The following RYR2 variants were observed in gnomAD, a reference collection of about 807,000 sequenced individuals.
RYR2 encodes cardiac muscle ryanodine receptor-calcium release channel.
Under a neutral mutation model 601.1 loss-of-function variants are expected in RYR2, and 227 were observed. That is an observed-to-expected ratio of 0.38 (90% CI 0.34 to 0.42). The LOEUF (loss-of-function observed/expected upper bound fraction) is 0.42. RYR2 is among the 10% of genes least tolerant of loss of function. RYR2 has a pLI of 1.00. For synonymous variants in RYR2, 2,223 were observed against 2,175.1 expected (o/e 1.02, Z -0.61); for missense variants, 4,646 against 6,156.5 (o/e 0.75, Z 8.21).
rs1455526447 is a variant in RYR2, at chr1:237,386,028, AAAGGAATC to A, written c.577-1252_577-1245del. Among the ~76,000 whole-genome samples, 3 of 152,356 alleles carry A rather than the reference AAAGGAATC, an allele frequency of 2.0e-5. No individual in the cohort carries two copies. In the East Asian group the frequency reaches 5.8e-4, roughly 29 times the overall value. ...ATACTGGAGAAGAAATTGAGTCAAT[AAAGGAATC>A]TTAGCTGGGATTACAGCTAAGACTG... is the stretch of plus-strand genomic sequence containing the variant. On this transcript the variant is annotated intron_variant, in intron 8 of 104. Transcript: ENST00000366574.
chr1:237,271,823 G>A (rs1689709476), intron 2 of RYR2, among the ~76,000 whole-genome samples: 1 of 152,106 alleles, frequency 6.6e-6, no homozygotes, highest in Non-Finnish European at 1.5e-5. Flanking sequence ...GGAAAGCCTG[G>A]TGGGCCAATG....
intron 56 of RYR2, among the ~76,000 whole-genome samples, chr1:237,664,775 C>G (rs1344215746): frequency 1.3e-5 from 2 of 152,112 alleles, no homozygotes; most frequent in Non-Finnish European, 2.9e-5. Context: ...CTTGTGTCCC[C>G]AAATCAATAG....
intron 80 of RYR2, among the ~76,000 whole-genome samples, chr1:237,751,593 A>ATATTGGAAGAAT (rs1409264137): frequency 6.6e-6 from 1 of 152,232 alleles, no homozygotes; most frequent in Non-Finnish European, 1.5e-5. Flanking sequence ...AGTGTATATA[A>ATATTGGAAGAAT]TATTGGAAGA....
rs535073012 is a variant in RYR2, at chr1:237,246,720, A to C, written c.49-23777A>C. ...TTTTACTTATTTTAAAAGTAATTGA[A>C]TCTTCCTCTCCTTTCATATATTTTT... On this transcript the variant is annotated intron_variant, in intron 1 of 104. Transcript: ENST00000366574. Among the ~76,000 whole-genome samples the C allele has an allele frequency of 1.1e-4, 16 of 152,132 alleles. No homozygotes were observed. In the South Asian group the frequency reaches 3.3e-3, roughly 32 times the overall value.
At chr1:237,811,896 A>T (rs1661295877) in intron 100 of RYR2, among the ~76,000 whole-genome samples, 1 of 152,074 alleles carries the variant, frequency 6.6e-6, no homozygotes, top group Non-Finnish European at 1.5e-5. Context: ...AGCTGAAAGG[A>T]CTCTGATGTT....
Position 237,755,040 on chromosome 1 carries a change from T to C in RYR2, c.11146-1248T>C, listed in dbSNP as rs972024781. On this transcript the variant is annotated intron_variant, in intron 80 of 104. Transcript: ENST00000366574. ...AACTATAGTGTGACAAAAAAAACCC[T>C]GATCAATTTTGTTTTCGCAGCACGA... 5.5e-6 allele frequency: 7 copies of C among 1,282,294 alleles called. No homozygotes were observed. The African/African-American group carries it at 1.1e-4, about 20-fold the overall frequency. The allele number at this position is 1,282,294 out of a possible 1,614,324, so 79.4% of individuals were successfully genotyped here.
At chr1:237,232,666 G>A (rs537374137) in intron 1 of RYR2, among the ~76,000 whole-genome samples, 8 of 152,162 alleles carry the variant, frequency 5.3e-5, no homozygotes, top group East Asian at 1.9e-4. Flanking sequence ...AAGGCCCTAC[G>A]TCTGGACTGG....
At chr1:237,804,591 C>G (rs925283124) in intron 98 of RYR2, among the ~76,000 whole-genome samples, 5 of 152,050 alleles carry the variant, frequency 3.3e-5, no homozygotes, top group Admixed American at 6.5e-5. Flanking sequence ...TGGCCCTCCC[C>G]CAAAAGTGTA....
chr1:237,280,898 C>T (rs1222652931), intron 2 of RYR2, among the ~76,000 whole-genome samples: 1 of 151,868 alleles, frequency 6.6e-6, no homozygotes, highest in Non-Finnish European at 1.5e-5. Context: ...GATTCTCCTG[C>T]CTCAGCCTCC....
chr1:237,433,461 A>G (rs2150110294), intron 12 of RYR2, among the ~76,000 whole-genome samples: 1 of 152,266 alleles, frequency 6.6e-6, no homozygotes, highest in South Asian at 2.1e-4. Context: ...ACTTATAATT[A>G]TTGAAACACA....
At chr1:237,214,832 T>C (rs1443541110) in intron 1 of RYR2, among the ~76,000 whole-genome samples, 1 of 152,218 alleles carries the variant, frequency 6.6e-6, no homozygotes, top group Admixed American at 6.5e-5. Context: ...ACAACATTCA[T>C]TGAATATATT....
At chr1:237,502,960 G>T (rs754316400) in intron 21 of RYR2, among the ~76,000 whole-genome samples, 4 of 152,080 alleles carry the variant, frequency 2.6e-5, no homozygotes, top group Non-Finnish European at 4.4e-5. Context: ...GGGACTTTAA[G>T]TGACCAGTTA....
chr1:237,588,829 T>C (rs996614597), intron 29 of RYR2, among the ~76,000 whole-genome samples: 1 of 30,672 alleles, frequency 3.3e-5, no homozygotes, highest in Non-Finnish European at 8.8e-5. Flanking sequence ...CGAGACTCCG[T>C]CTCAAAAAAA....
intron 79 of RYR2, among the ~76,000 whole-genome samples, chr1:237,735,174 A>G (rs867821773): frequency 2.0e-5 from 3 of 152,228 alleles, no homozygotes; most frequent in Non-Finnish European, 4.4e-5. Context: ...TGTATATCAC[A>G]TAAGCAGAGT....
At position 237,246,134 on chromosome 1, in the gene RYR2, C is replaced by T. The variant is rs552509776; in HGVS notation, c.49-24363C>T. Reference sequence around the variant, plus strand: ...TTTTTGAGACAGAGTCTTGCTCTTTCGCCCGAGCTGGAGTGCGGTGGCACA... The same window carrying T: ...TTTTTGAGACAGAGTCTTGCTCTTTTGCCCGAGCTGGAGTGCGGTGGCACA... On this transcript the variant is annotated intron_variant, in intron 1 of 104. Transcript: ENST00000366574. 1.1e-3 allele frequency among the ~76,000 whole-genome samples: 163 copies of T among 148,066 alleles called. 1 individual carries two copies. The highest frequency in any genetic ancestry group is 6.0e-3 in the South Asian group (28 of 4,636).
intron 1 of RYR2, among the ~76,000 whole-genome samples, chr1:237,238,190 G>A (rs1056299550): frequency 5.3e-5 from 8 of 152,022 alleles, no homozygotes; most frequent in African/African-American, 1.9e-4. Context: ...GGCTGGTCTT[G>A]AACTCTTGGG....
intron 27 of RYR2, among the ~76,000 whole-genome samples, chr1:237,556,879 CCAAAAAAA>C (rs1670948051): frequency 2.6e-5 from 1 of 37,792 alleles, no homozygotes; most frequent in Admixed American, 3.4e-4. Flanking sequence ...TTCCCTCCCA[CCAAAAAAA>C]AAAAAAAAAA....
At chr1:237,343,210 G>A (rs1042752496) in intron 3 of RYR2, among the ~76,000 whole-genome samples, 8 of 151,530 alleles carry the variant, frequency 5.3e-5, no homozygotes, top group Non-Finnish European at 5.9e-5. Flanking sequence ...GTGACAGAGC[G>A]AGATGCTGTC....
chr1:237,546,655 A>C (rs890667339), intron 25 of RYR2, among the ~76,000 whole-genome samples: 2 of 152,116 alleles, frequency 1.3e-5, no homozygotes, highest in South Asian at 2.1e-4. Flanking sequence ...TGCTGGGATT[A>C]TAGAAGTGAG....
Sources: gnomAD v4.1 joint callset for allele counts (sites outside exome capture counted in the v4.1 genomes callset) on GRCh38, gnomAD v4.1.1 for gene constraint, MANE v1.5 for transcripts, NCBI Gene and HGNC (gene_info 2026-07-23, HGNC 2026-07-21) for gene names.